RALGAPA1: variants seen among roughly 807,000 people sequenced by gnomAD.
RALGAPA1 encodes the protein Ral GTPase activating protein catalytic subunit alpha 1.
A neutral mutation model predicts 269.6 loss-of-function variants in RALGAPA1; 52 were observed. The observed-to-expected ratio is 0.19, with a 90% CI of 0.15 to 0.24. RALGAPA1 has a LOEUF of 0.24. Among genes scored for constraint, RALGAPA1 ranks in the 10% least tolerant of loss-of-function variants. The probability of loss-of-function intolerance (pLI) is 1.00; values close to 1 mark genes in which losing one functional copy is unlikely to be tolerated. For missense variants in RALGAPA1, 1,917 were observed against 3,013.9 expected, an observed-to-expected ratio of 0.64 and a Z score of 8.52; for synonymous variants, 817 against 1,008.3, an observed-to-expected ratio of 0.81 and a Z score of 3.60.
At chr14:35,545,346 AT>A (rs2054360557) in intron 41 of RALGAPA1, among the ~76,000 whole-genome samples, 1 of 152,046 alleles carries the variant, frequency 6.6e-6, no homozygotes, top group Non-Finnish European at 1.5e-5. Flanking sequence ...GGGAATATAG[AT>A]TTTGCAAATT....
chr14:35,791,433 G>A (rs1400653144), intron 1 of RALGAPA1, among the ~76,000 whole-genome samples: 2 of 152,048 alleles, frequency 1.3e-5, no homozygotes, highest in African/African-American at 2.4e-5. Context: ...GCAAAACTCC[G>A]TCTCTACCAA....
At position 35,808,839 on chromosome 14, in the gene RALGAPA1, G is replaced by C. The variant is rs772396180; in HGVS notation, c.-4C>G. ...CGTGCGGCTTCTTGGAGAACATCCT[G>C]TCGCTGCCACTGCCACTGCCACTGC... On this transcript the variant is annotated 5_prime_UTR_variant, in exon 1 of 42. Coordinates refer to ENST00000680220, the MANE Select transcript of RALGAPA1 (RefSeq NM_001346249.2). 11 of 1,605,712 alleles carry C rather than the reference G, an allele frequency of 6.9e-6. No homozygotes were observed. In the South Asian group the frequency reaches 1.1e-4, roughly 16 times the overall value.
chr14:35,657,161 G>A (rs1020701846), intron 28 of RALGAPA1, among the ~76,000 whole-genome samples: 2 of 151,542 alleles, frequency 1.3e-5, no homozygotes, highest in Admixed American at 6.6e-5. Flanking sequence ...CAGACTGGGG[G>A]TATTAAGTTT....
rs537676182 is a variant in RALGAPA1, at chr14:35,600,274, A to C, written c.7054-4485T>G. Among the ~76,000 whole-genome samples, 265 of 124,298 alleles carry C rather than the reference A, an allele frequency of 2.1e-3. 2 individuals carry two copies. The highest frequency in any genetic ancestry group is 8.3e-3 in the African/African-American group (252 of 30,360). The allele number at this position is 124,298 out of a possible 152,430, so 81.5% of individuals were successfully genotyped here. On this transcript the variant is annotated intron_variant, in intron 36 of 41. Coordinates refer to ENST00000680220, the MANE Select transcript of RALGAPA1 (RefSeq NM_001346249.2). ...TGAGACAGGGTCTGCTCTATCACCCAGGCTGGAGAGCAGTGACATGATCTT... is the reference window on the plus strand; with the variant it reads ...TGAGACAGGGTCTGCTCTATCACCCCGGCTGGAGAGCAGTGACATGATCTT...
chr14:35,665,852 A>G (rs1226138919), intron 26 of RALGAPA1, among the ~76,000 whole-genome samples: 1 of 152,184 alleles, frequency 6.6e-6, no homozygotes, highest in Non-Finnish European at 1.5e-5. Flanking sequence ...ACATAATGGG[A>G]GCAGACCTGG....
intron 1 of RALGAPA1, among the ~76,000 whole-genome samples, chr14:35,782,722 C>T (rs576486982): frequency 7.9e-5 from 12 of 152,190 alleles, no homozygotes; most frequent in Admixed American, 2.0e-4. Context: ...CCACACCCAG[C>T]CTCAATGTAC....
intron 1 of RALGAPA1, among the ~76,000 whole-genome samples, chr14:35,783,952 C>A (rs1433436252): frequency 6.6e-6 from 1 of 152,018 alleles, no homozygotes; most frequent in Non-Finnish European, 1.5e-5. Context: ...TCTTTGTACA[C>A]TGCTGGTGGG....
chr14:35,634,564 T>C lies in RALGAPA1; in HGVS notation c.5995+10A>G. ...AGCAACAATATTGTCCTGAACAGAA[T>C]TCATGTTACCTTCTGTTACTGGCTG... is the stretch of plus-strand genomic sequence containing the variant. On this transcript the variant is annotated intron_variant, in intron 33 of 41. Transcript: ENST00000680220. 6.2e-7 allele frequency: 1 copy of C among 1,606,098 alleles called. No individual in the cohort carries two copies. Among genetic ancestry groups the C allele is most frequent in the East Asian group, 2.2e-5 (1 of 44,686 alleles).
At chr14:35,635,663 TTTCTTA>T in intron 31 of RALGAPA1, 65 bp from the exon 32 acceptor site, 1 of 1,371,082 alleles carries the variant, frequency 7.3e-7, no homozygotes, top group Non-Finnish European at 9.5e-7. Flanking sequence ...AAAAATTCAT[TTTCTTA>T]TTCTTGAGTT....
chr14:35,604,972 C>G (rs1342611403), intron 36 of RALGAPA1, among the ~76,000 whole-genome samples: 1 of 152,090 alleles, frequency 6.6e-6, no homozygotes, highest in Non-Finnish European at 1.5e-5. Flanking sequence ...GGTACAGGAA[C>G]CTTGACATGG....
intron 33 of RALGAPA1, among the ~76,000 whole-genome samples, chr14:35,633,807 T>C (rs12889611): frequency 6.6e-6 from 1 of 152,172 alleles, no homozygotes; most frequent in African/African-American, 2.4e-5. Flanking sequence ...ACTTCTATTG[T>C]TACACTCCTA....
intron 37 of RALGAPA1, among the ~76,000 whole-genome samples, chr14:35,587,870 A>T (rs1037621204): frequency 2.0e-5 from 3 of 152,170 alleles, no homozygotes; most frequent in East Asian, 1.9e-4. Context: ...AGTATAATTT[A>T]AAAAAATTAA....
Position 35,541,618 on chromosome 14 carries a change from C to T in RALGAPA1, c.*24-1928G>A, listed in dbSNP as rs1410616484. 3.0e-5 allele frequency: 12 copies of T among 403,764 alleles called. No homozygotes were observed. In the Admixed American group the frequency reaches 3.4e-4, roughly 11 times the overall value. 25.0% of individuals were successfully genotyped at this position (403,764 alleles called of 1,614,324 possible). A position where few individuals can be genotyped will look rare whatever the true frequency, so the allele number is the denominator to read the frequency against. On this transcript the variant is annotated intron_variant, in intron 41 of 41. Coordinates refer to ENST00000680220, the MANE Select transcript of RALGAPA1 (RefSeq NM_001346249.2). ...TATGGGAGAATATGAATCCATGACC[C>T]CCTTTAGGGAAGCACTGCAGATGGA...
intron 4 of RALGAPA1, chr14:35,766,846 AG>A: frequency 2.1e-6 from 1 of 466,988 alleles, no homozygotes; most frequent in South Asian, 1.7e-5. Context: ...ACCACAGAAC[AG>A]GAAGTGCCCA....
At chr14:35,600,484 G>C (rs535572749) in intron 36 of RALGAPA1, among the ~76,000 whole-genome samples, 14 of 152,084 alleles carry the variant, frequency 9.2e-5, no homozygotes, top group African/African-American at 3.4e-4. Context: ...TCCAGCTTCA[G>C]CCTCACAAAA....
intron 8 of RALGAPA1, 95 bp downstream of exon 8, chr14:35,751,929 T>C (rs1327050988): frequency 6.8e-7 from 1 of 1,474,196 alleles, no homozygotes; most frequent in Non-Finnish European, 9.0e-7. Flanking sequence ...GTATTAAATA[T>C]GATCAGTTTC....
chr14:35,806,348 G>A (rs74042873), intron 1 of RALGAPA1, among the ~76,000 whole-genome samples: 1 of 152,188 alleles, frequency 6.6e-6, no homozygotes, highest in Non-Finnish European at 1.5e-5. Flanking sequence ...TGTAAAATGG[G>A]GGGGAGGGGG....
chr14:35,577,145 A>C (rs1185628345), intron 37 of RALGAPA1, among the ~76,000 whole-genome samples: 1 of 152,070 alleles, frequency 6.6e-6, no homozygotes, highest in African/African-American at 2.4e-5. Flanking sequence ...TAATAATCCT[A>C]TTTTGCCAGG....
Position 35,539,656 on chromosome 14 carries a change from G to A in RALGAPA1, c.*58C>T. The A allele has an allele frequency of 1.2e-6, 2 of 1,614,108 alleles. No homozygotes were observed. The highest frequency in any genetic ancestry group is 1.7e-6 in the Non-Finnish European group (2 of 1,180,026). Reference sequence around the variant, plus strand: ...CAGCCCCATCTACCTGCGTTGCTGTGGGAGTTTCACTGGGTAGAATCTCTG... The same window carrying A: ...CAGCCCCATCTACCTGCGTTGCTGTAGGAGTTTCACTGGGTAGAATCTCTG... On this transcript the variant is annotated 3_prime_UTR_variant, in exon 42 of 42. Transcript: ENST00000680220.
Sources: gnomAD v4.1 joint callset for allele counts (sites outside exome capture counted in the v4.1 genomes callset) on GRCh38, gnomAD v4.1.1 for gene constraint, MANE v1.5 for transcripts, NCBI Gene and HGNC (gene_info 2026-07-23, HGNC 2026-07-21) for gene names.